Variants in SPAG16 observed in about 807,000 individuals in gnomAD.
SPAG16 encodes the protein sperm-associated antigen 16 protein.
A neutral mutation model predicts 80.4 loss-of-function variants in SPAG16; 86 were observed. That is an observed-to-expected ratio of 1.07 (90% CI 0.90 to 1.28). The LOEUF is 1.28. Among genes scored for constraint, SPAG16 ranks in the 50% most tolerant of loss-of-function variants. The probability of loss-of-function intolerance (pLI) is 0.00; values close to 1 mark genes in which losing one functional copy is unlikely to be tolerated. For missense variants in SPAG16, 870 were observed against 765.3 expected, an observed-to-expected ratio of 1.14 and a Z score of -1.61; for synonymous variants, 294 against 265.9, an observed-to-expected ratio of 1.11 and a Z score of -1.03.
intron 15 of SPAG16, among the ~76,000 whole-genome samples, chr2:214,151,390 GA>G (rs1362804098): frequency 6.6e-6 from 1 of 151,910 alleles, no homozygotes; most frequent in African/African-American, 2.4e-5. Flanking sequence ...AAACAAAATT[GA>G]AATAAGGATG....
At position 213,920,824 on chromosome 2, in the gene SPAG16, C is replaced by A. The variant is rs189437562; in HGVS notation, c.1215-9136C>A. ...ATGGACATCTCTTGTCATACTCTGCCACGAGTGCTTAGGCACCAAATCCTT... is the reference window on the plus strand; with the variant it reads ...ATGGACATCTCTTGTCATACTCTGCAACGAGTGCTTAGGCACCAAATCCTT... On this transcript the variant is annotated intron_variant, in intron 11 of 15. Coordinates refer to ENST00000331683, the MANE Select transcript of SPAG16 (RefSeq NM_024532.5). Among the ~76,000 whole-genome samples, 159 of 152,336 alleles carry A rather than the reference C, an allele frequency of 1.0e-3. 2 individuals carry two copies. The highest frequency in any genetic ancestry group is 1.0e-4 in the Non-Finnish European group (7 of 68,038).
At chr2:214,034,340 G>A (rs2048574140) in intron 13 of SPAG16, among the ~76,000 whole-genome samples, 1 of 152,222 alleles carries the variant, frequency 6.6e-6, no homozygotes, top group South Asian at 2.1e-4. Context: ...TTCACACTGT[G>A]TTAAATATCC....
At chr2:213,488,070 A>C (rs2074065741) in intron 9 of SPAG16, among the ~76,000 whole-genome samples, 2 of 152,064 alleles carry the variant, frequency 1.3e-5, no homozygotes, top group African/African-American at 4.8e-5. Flanking sequence ...ATTTATATTG[A>C]CCTAGGTGTT....
At chr2:214,133,740 C>T (rs1031360977) in intron 14 of SPAG16, among the ~76,000 whole-genome samples, 1 of 152,066 alleles carries the variant, frequency 6.6e-6, no homozygotes, top group Non-Finnish European at 1.5e-5. Flanking sequence ...GCATGTGTCC[C>T]AGTGTGAGTT....
At chr2:214,141,912 A>G (rs1340376256) in intron 14 of SPAG16, among the ~76,000 whole-genome samples, 2 of 152,084 alleles carry the variant, frequency 1.3e-5, no homozygotes, top group Admixed American at 1.3e-4. Flanking sequence ...TAGTCTTGAT[A>G]TTATATTTTT....
intron 12 of SPAG16, among the ~76,000 whole-genome samples, chr2:213,990,496 A>C (rs1279481490): frequency 6.6e-6 from 1 of 152,142 alleles, no homozygotes; most frequent in Admixed American, 6.6e-5. Flanking sequence ...ATAACTGATA[A>C]GTTAATTGAC....
intron 12 of SPAG16, among the ~76,000 whole-genome samples, chr2:213,950,202 T>A (rs1295610807): frequency 6.6e-6 from 1 of 152,214 alleles, no homozygotes; most frequent in Non-Finnish European, 1.5e-5. Flanking sequence ...GCTTCATACA[T>A]ATCAATGCTT....
chr2:213,525,767 G>T (rs947856097), intron 10 of SPAG16, among the ~76,000 whole-genome samples: 1 of 151,828 alleles, frequency 6.6e-6, no homozygotes, highest in Non-Finnish European at 1.5e-5. Context: ...CCATGTCTAT[G>T]TATATCTACA....
At position 213,349,799 on chromosome 2, in the gene SPAG16, AAAAG is replaced by A. The variant is rs1231155466; in HGVS notation, c.645-727_645-724del. Among the ~76,000 whole-genome samples the A allele has an allele frequency of 2.6e-5, 4 of 152,312 alleles. No homozygotes were observed. In the East Asian group the frequency reaches 7.7e-4, roughly 29 times the overall value. On this transcript the variant is annotated intron_variant, in intron 6 of 15. Coordinates refer to ENST00000331683, the MANE Select transcript of SPAG16 (RefSeq NM_024532.5). ...ACACTGAGTGAAATAAACTAGTTAA[AAAAG>A]AGAACATGTTATATGATACCAAATA...
At chr2:214,206,015 A>T (rs2125733059) in intron 15 of SPAG16, among the ~76,000 whole-genome samples, 1 of 141,154 alleles carries the variant, frequency 7.1e-6, no homozygotes, top group African/African-American at 2.7e-5. Context: ...CAACATGGTG[A>T]AACCCCGTCT....
chr2:213,983,938 C>T (rs1230094785), intron 12 of SPAG16, among the ~76,000 whole-genome samples: 1 of 151,960 alleles, frequency 6.6e-6, no homozygotes, highest in Admixed American at 6.6e-5. Flanking sequence ...AATTCCTGCC[C>T]TTATCATATA....
At chr2:214,211,426 G>T (rs1411242538) in intron 15 of SPAG16, among the ~76,000 whole-genome samples, 1 of 152,176 alleles carries the variant, frequency 6.6e-6, no homozygotes, top group Non-Finnish European at 1.5e-5. Context: ...AACTCCTCAG[G>T]ATCTTTTCAG....
At chr2:213,928,904 TACACACACACACAC>T (rs71063798) in intron 11 of SPAG16, among the ~76,000 whole-genome samples, 24 of 142,976 alleles carry the variant, frequency 1.7e-4, no homozygotes, top group East Asian at 6.2e-4. Flanking sequence ...CAGCTGATGT[TACACACACACACAC>T]ACACACACAC....
chr2:214,091,781 C>A (rs1025133985), intron 13 of SPAG16, among the ~76,000 whole-genome samples: 1 of 151,930 alleles, frequency 6.6e-6, no homozygotes, highest in Non-Finnish European at 1.5e-5. Context: ...TGCTTAGAAT[C>A]TCCTGTTTCC....
intron 14 of SPAG16, among the ~76,000 whole-genome samples, chr2:214,125,835 G>A (rs925333427): frequency 1.3e-5 from 2 of 151,454 alleles, no homozygotes; most frequent in Non-Finnish European, 2.9e-5. Flanking sequence ...GAGCCTTCAG[G>A]AATGAAAACT....
At chr2:214,067,135 T>G (rs951778048) in intron 13 of SPAG16, among the ~76,000 whole-genome samples, 2 of 152,116 alleles carry the variant, frequency 1.3e-5, no homozygotes, top group African/African-American at 4.8e-5. Flanking sequence ...CAGCTTTCTA[T>G]GTGAAGAAAG....
In SPAG16 at chr2:213,898,814, C is replaced by T. The variant is rs141814117; in HGVS notation, c.1215-31146C>T. ...ACAGTATAGCTCAAAATATTAGAGA[C>T]GGTCTTACTTGTCCTGAAATAAACT... On this transcript the variant is annotated intron_variant, in intron 11 of 15. Transcript: ENST00000331683. 1.3e-3 allele frequency among the ~76,000 whole-genome samples: 192 copies of T among 152,144 alleles called. 1 individual carries two copies. Among genetic ancestry groups the T allele is most frequent in the African/African-American group, 3.9e-3 (164 of 41,522 alleles).
At chr2:213,942,313 C>T (rs1559613431) in intron 12 of SPAG16, among the ~76,000 whole-genome samples, 1 of 152,196 alleles carries the variant, frequency 6.6e-6, no homozygotes, top group Non-Finnish European at 1.5e-5. Context: ...TGAATTTTCT[C>T]TATCAATTAA....
At chr2:214,340,609 T>C (rs1697610390) in intron 15 of SPAG16, among the ~76,000 whole-genome samples, 1 of 152,180 alleles carries the variant, frequency 6.6e-6, no homozygotes, top group African/African-American at 2.4e-5. Flanking sequence ...AGGCCTGATG[T>C]ATGTTGCTTG....
Sources: allele counts gnomAD v4.1 joint callset (sites outside exome capture counted in the v4.1 genomes callset), GRCh38; gene constraint gnomAD v4.1.1; transcripts MANE v1.5; gene names NCBI Gene and HGNC (gene_info 2026-07-23, HGNC 2026-07-21).